The following TNRC6B variants were observed in gnomAD, a reference collection of about 807,000 sequenced individuals.
The protein encoded by TNRC6B is trinucleotide repeat containing adaptor 6B, also known as trinucleotide repeat-containing gene 6B protein.
Under a neutral mutation model 203.6 loss-of-function variants are expected in TNRC6B, and 52 were observed. The ratio of observed to expected loss-of-function variants is 0.26; its 90% CI spans 0.20 to 0.32. The LOEUF (loss-of-function observed/expected upper bound fraction) is 0.32, where lower values mean the gene tolerates loss of function less well. Among genes scored for constraint, TNRC6B ranks in the 10% least tolerant of loss-of-function variants. The probability of loss-of-function intolerance (pLI) is 1.00; values close to 1 mark genes in which losing one functional copy is unlikely to be tolerated. For synonymous variants in TNRC6B, 838 were observed against 845.7 expected (o/e 0.99, Z 0.16); for missense variants, 1,923 against 2,286.2 (o/e 0.84, Z 3.24).
chr22:40,310,394 T>C (rs1159829854), intron 16 of TNRC6B, among the ~76,000 whole-genome samples: 2 of 152,250 alleles, frequency 1.3e-5, no homozygotes, highest in African/African-American at 4.8e-5. Context: ...CCTGGGTGGA[T>C]AGCATCAGTA....
At position 40,212,732 on chromosome 22, in the gene TNRC6B, G is replaced by A. The variant is rs149920435; in HGVS notation, c.6-33283G>A. Among the ~76,000 whole-genome samples, 774 of 152,134 alleles carry A rather than the reference G, an allele frequency of 5.1e-3. 5 individuals carry two copies. Among genetic ancestry groups the A allele is most frequent in the African/African-American group, 0.018 (743 of 41,510 alleles). Reference sequence around the variant, plus strand: ...GTTGCCCAGGCTGGAGTGCAGTGGTGTGATCTCCTGGGTTCAAGCGATTCT... The same window carrying A: ...GTTGCCCAGGCTGGAGTGCAGTGGTATGATCTCCTGGGTTCAAGCGATTCT... On this transcript the variant is annotated intron_variant, in intron 1 of 22. Coordinates refer to ENST00000454349, the MANE Select transcript of TNRC6B (RefSeq NM_001162501.2).
At chr22:40,094,263 C>T (rs140800010) in intron 1 of TNRC6B, among the ~76,000 whole-genome samples, 677 of 151,850 alleles carry the variant, frequency 4.5e-3, no homozygotes, top group Non-Finnish European at 8.2e-3. Flanking sequence ...TTTAAGATGC[C>T]ATCATTCCTA....
At chr22:40,174,626 A>G (rs1314743423), upstream of TNRC6B, among the ~76,000 whole-genome samples, 1 of 152,120 alleles carries the variant, frequency 6.6e-6, no homozygotes, top group African/African-American at 2.4e-5. Context: ...TCACGAGGTG[A>G]TCACGAGGTG....
chr22:40,138,508 C>T (rs950062108), intron 3 of TNRC6B, among the ~76,000 whole-genome samples: 8 of 152,290 alleles, frequency 5.3e-5, no homozygotes, highest in East Asian at 1.9e-4. Flanking sequence ...TCAGGTGATC[C>T]GCCTGCCTTA....
intron 12 of TNRC6B, among the ~76,000 whole-genome samples, chr22:40,293,190 CTTTTTTTTTTT>C (rs748230080): frequency 1.3e-5 from 1 of 79,450 alleles, no homozygotes; most frequent in Non-Finnish European, 2.3e-5. Flanking sequence ...ATATCCTTTT[CTTTTTTTTTTT>C]TTTTTTTTTT....
intron 3 of TNRC6B, among the ~76,000 whole-genome samples, chr22:40,151,266 G>A (rs563398075): frequency 1.5e-4 from 23 of 152,114 alleles, no homozygotes; most frequent in African/African-American, 5.3e-4. Context: ...GTGAGACTCT[G>A]TCTCAAAAAT....
Position 40,049,108 on chromosome 22 carries a change from G to A in TNRC6B, c.-121+4110G>A, listed in dbSNP as rs566226752. Reference sequence around the variant, plus strand: ...AACATTTATACACTGCTGGCTGGGCGCGGTGGCTAACACCTGTAATCCCAG... The same window carrying A: ...AACATTTATACACTGCTGGCTGGGCACGGTGGCTAACACCTGTAATCCCAG... On this transcript the variant is annotated intron_variant, in intron 1 of 23. Coordinates refer to the TNRC6B transcript ENST00000301923. Among the ~76,000 whole-genome samples, 17 of 152,144 alleles carry A rather than the reference G, an allele frequency of 1.1e-4. No individual in the cohort carries two copies. The South Asian group carries it at 2.3e-3, about 20-fold the overall frequency.
At chr22:40,118,681 GA>G (rs1372209162) in intron 2 of TNRC6B, among the ~76,000 whole-genome samples, 1 of 152,214 alleles carries the variant, frequency 6.6e-6, no homozygotes, top group Non-Finnish European at 1.5e-5. Context: ...ACTGAATACA[GA>G]GATTAACAAG....
chr22:40,120,335 C>CAATA (rs2068432611), intron 2 of TNRC6B, among the ~76,000 whole-genome samples: 2 of 118,336 alleles, frequency 1.7e-5, no homozygotes, highest in Non-Finnish European at 3.8e-5. Flanking sequence ...GACCCTGTCT[C>CAATA]AAAAAAAAAA....
At position 40,331,233 on chromosome 22, in the gene TNRC6B, AG is replaced by A. The variant is rs540654648; in HGVS notation, c.*7995del. 434 of 153,258 alleles carry A rather than the reference AG, an allele frequency of 2.8e-3. No homozygotes were observed. Among genetic ancestry groups the A allele is most frequent in the African/African-American group, 0.01 (422 of 41,606 alleles). 9.5% of individuals were successfully genotyped at this position (153,258 alleles called of 1,614,324 possible). The stretch of plus-strand genomic sequence containing the variant: ...ACATCACGTTGCTGTTGATGCAAAC[AG>A]GGTATTACACACAAGGAAAAGGGGT... On this transcript the variant is annotated 3_prime_UTR_variant, in exon 23 of 23. Coordinates refer to ENST00000454349, the MANE Select transcript of TNRC6B (RefSeq NM_001162501.2).
At chr22:40,288,787 C>T (rs1281011502) in intron 12 of TNRC6B, among the ~76,000 whole-genome samples, 1 of 151,542 alleles carries the variant, frequency 6.6e-6, no homozygotes, top group Non-Finnish European at 1.5e-5. Flanking sequence ...CTGATCCACC[C>T]GCCCTGGCCT....
At chr22:40,288,354 C>T (rs932218153) in intron 12 of TNRC6B, among the ~76,000 whole-genome samples, 2 of 152,168 alleles carry the variant, frequency 1.3e-5, no homozygotes, top group African/African-American at 4.8e-5. Context: ...TTGGCCACTG[C>T]TGTAGACAAT....
chr22:40,150,519 A>G (rs1019843742), intron 3 of TNRC6B, among the ~76,000 whole-genome samples: 1 of 152,330 alleles, frequency 6.6e-6, no homozygotes, highest in East Asian at 1.9e-4. Context: ...AACACTAAAA[A>G]CAGCAAGATG....
At chr22:40,161,856 A>G (rs1205642475) in intron 4 of TNRC6B, among the ~76,000 whole-genome samples, 1 of 152,230 alleles carries the variant, frequency 6.6e-6, no homozygotes, top group Non-Finnish European at 1.5e-5. Flanking sequence ...TATAATTACT[A>G]CATTAAAATT....
At chr22:40,069,739 G>A (rs1238302567) in intron 1 of TNRC6B, among the ~76,000 whole-genome samples, 1 of 151,736 alleles carries the variant, frequency 6.6e-6, no homozygotes. Context: ...CACCCACCTC[G>A]GCCTCCCAAA....
At chr22:40,106,378 CT>C in intron 1 of TNRC6B, 1 of 1,227,972 alleles carries the variant, frequency 8.1e-7, no homozygotes, top group Non-Finnish European at 1.2e-6. Flanking sequence ...GCATCTCCAC[CT>C]TCTACAAAAT....
At chr22:40,050,981 C>T (rs1415188311) in intron 1 of TNRC6B, among the ~76,000 whole-genome samples, 1 of 152,012 alleles carries the variant, frequency 6.6e-6, no homozygotes, top group African/African-American at 2.4e-5. Context: ...CGCACCACCA[C>T]ACCTGGCTAA....
chr22:40,246,820 C>T (rs1470357919), intron 2 of TNRC6B, among the ~76,000 whole-genome samples: 1 of 151,914 alleles, frequency 6.6e-6, no homozygotes, highest in African/African-American at 2.4e-5. Context: ...GATGAGTCTA[C>T]CTTGGGAGAA....
chr22:40,234,524 T>C (rs2069922174), intron 1 of TNRC6B, among the ~76,000 whole-genome samples: 1 of 152,196 alleles, frequency 6.6e-6, no homozygotes, highest in Non-Finnish European at 1.5e-5. Context: ...TAAATAAGAA[T>C]CTGCGTTTAA....
Sources: allele counts gnomAD v4.1 joint callset (sites outside exome capture counted in the v4.1 genomes callset), GRCh38; gene constraint gnomAD v4.1.1; transcripts MANE v1.5; gene names NCBI Gene and HGNC (gene_info 2026-07-23, HGNC 2026-07-21).